Variants in IGSF22 observed in about 807,000 individuals in gnomAD.
The protein encoded by IGSF22 is immunoglobulin superfamily member 22, also known as immunoglobulin superfamily, member 22.
Under a neutral mutation model 127.0 loss-of-function variants are expected in IGSF22, and 119 were observed. The ratio of observed to expected loss-of-function variants is 0.94; its 90% CI spans 0.81 to 1.09. The LOEUF (loss-of-function observed/expected upper bound fraction) is 1.09, where lower values mean the gene tolerates loss of function less well. IGSF22 is among the 50% of genes least tolerant of loss of function. The pLI, the probability that IGSF22 is intolerant of heterozygous loss-of-function variation, is 0.00. For missense variants in IGSF22, 1,518 were observed against 1,716.6 expected (o/e 0.88, Z 2.04); for synonymous variants, 568 against 664.7 (o/e 0.85, Z 2.24).
chr11:18,713,688 G>T (rs1185182014), intron 14 of IGSF22, among the ~76,000 whole-genome samples, 164 bp downstream of exon 14: 2 of 152,246 alleles, frequency 1.3e-5, no homozygotes, highest in Non-Finnish European at 2.9e-5. Context: ...GAACTGGCTG[G>T]GAAGTTAGGA....
chr11:18,711,917 C>T (rs985065714), intron 15 of IGSF22, among the ~76,000 whole-genome samples, 165 bp downstream of exon 15: 1 of 152,142 alleles, frequency 6.6e-6, no homozygotes. Flanking sequence ...GTTGACAATT[C>T]CTGCCCAAAA....
rs748594972 is a variant in IGSF22 at position 18,709,685 on chromosome 11, TG to T, written c.2702-3del. On this transcript the variant is annotated splice_polypyrimidine_tract_variant and splice_region_variant and intron_variant, in intron 17 of 22. Transcript: ENST00000513874. This position sits in a 1 kb window ranked among gnomAD's most constrained non-coding sequence, Gnocchi z 4.8. ...GGTCCTGGACCAGGCCTGGGGGTTCTGGGGTAGAACAGACATGTAGTCAGCC... is the reference window on the plus strand; with the variant it reads ...GGTCCTGGACCAGGCCTGGGGGTTCTGGGTAGAACAGACATGTAGTCAGCC... The T allele has an allele frequency of 9.9e-6, 16 of 1,613,004 alleles. No individual in the cohort carries two copies. Among genetic ancestry groups the T allele is most frequent in the African/African-American group, 1.3e-5 (1 of 74,986 alleles).
At position 18,707,997 on chromosome 11, in the gene IGSF22, C is replaced by T; in HGVS notation, c.3088-1G>A. ...AGATCACGTCAGGTGGTGGTGAGCC[C>T]TGAGTAGTGACAGGAGATGGCACAA... On this transcript the variant is annotated splice_acceptor_variant, in intron 19 of 22. Transcript: ENST00000513874. LOFTEE classifies it high-confidence loss of function. 1.2e-6 allele frequency: 2 copies of T among 1,614,028 alleles called. No homozygotes were observed. The highest frequency in any genetic ancestry group is 1.7e-6 in the Non-Finnish European group (2 of 1,179,926).
chr11:18,715,686 T>C lies in IGSF22; in HGVS notation c.1277A>G (p.Lys426Arg), dbSNP rs1312873959. The C allele has an allele frequency of 4.3e-6, 7 of 1,612,532 alleles. No individual in the cohort carries two copies. The highest frequency in any genetic ancestry group is 5.1e-6 in the Non-Finnish European group (6 of 1,179,376). ...RIPIKFVSNL[K>R]NVRVKERSRA... ...ACTCCTCTCTTTCACACGTACATTT[T>C]TGAGGTTGCTCACAAACTTGATGGG... is the stretch of plus-strand genomic sequence containing the variant. Residue 426 changes from lysine (K) to arginine (R), a missense_variant, in exon 11 of 23, where the codon AAA becomes AGA. Transcript: ENST00000513874.
At chr11:18,704,628 G>A in intron 22 of IGSF22, 90 bp from the exon 23 acceptor site, 1 of 827,244 alleles carries the variant, frequency 1.2e-6, no homozygotes, top group African/African-American at 1.7e-5. Context: ...AGGAAACCAG[G>A]AGCTGGACCC....
In IGSF22 at chr11:18,709,687, G is replaced by C. The variant is rs1273442617; in HGVS notation, c.2702-4C>G. The C allele has an allele frequency of 6.2e-7, 1 of 1,612,128 alleles. No homozygotes were observed. The highest frequency in any genetic ancestry group is 2.2e-5 in the East Asian group (1 of 44,800). On this transcript the variant is annotated splice_polypyrimidine_tract_variant and splice_region_variant and intron_variant, in intron 17 of 22. Transcript: ENST00000513874. This position sits in a 1 kb window ranked among gnomAD's most constrained non-coding sequence, Gnocchi z 4.8. ...TCCTGGACCAGGCCTGGGGGTTCTG[G>C]GGTAGAACAGACATGTAGTCAGCCC...
chr11:18,705,750 A>C (rs1848212280), intron 22 of IGSF22, 67 bp downstream of exon 22: 1 of 1,381,232 alleles, frequency 7.2e-7, no homozygotes, highest in Admixed American at 2.3e-5. Flanking sequence ...TAGTTGACCA[A>C]TGGCCCACAA....
chr11:18,705,709 G>A, intron 22 of IGSF22, 108 bp downstream of exon 22: 1 of 907,980 alleles, frequency 1.1e-6, no homozygotes, highest in Non-Finnish European at 1.6e-6. Flanking sequence ...CCACCTGTTG[G>A]CAGTCAGATT....
rs1344918977 is a variant in IGSF22, at chr11:18,721,623, T to C, written c.290A>G (p.His97Arg). 1.2e-6 allele frequency: 2 copies of C among 1,614,250 alleles called. No individual in the cohort carries two copies. Among genetic ancestry groups the C allele is most frequent in the Non-Finnish European group, 1.7e-6 (2 of 1,180,036 alleles). Residue 97 changes from histidine (H) to arginine (R), a missense_variant, in exon 4 of 23, where the codon CAC (histidine) becomes CGC (arginine). Around this residue, in one of 3 missense-constraint regions of IGSF22, gnomAD observed 1,456 missense variants for 1,644.9 expected, o/e 0.89. Coordinates refer to ENST00000513874, the MANE Select transcript of IGSF22 (RefSeq NM_173588.4). ...RARVQGNAKPHISWKRESGIP... is the reference protein window; with the variant it reads ...RARVQGNAKPRISWKRESGIP... ...GCCGCTCTCCCTCTTCCAGGAGATG[T>C]GGGGTTTGGCGTTCCCCTGCACCCG...
chr11:18,713,027 C>T (rs560630866), intron 14 of IGSF22, among the ~76,000 whole-genome samples: 1 of 152,210 alleles, frequency 6.6e-6, no homozygotes, highest in Admixed American at 6.5e-5. Flanking sequence ...CCATCTTTCC[C>T]ACCTTATTTT....
chr11:18,712,412 G>A (rs77798248), intron 14 of IGSF22, 28 bp from the exon 15 acceptor site: 21,298 of 1,530,300 alleles, frequency 0.014, 191 homozygotes, highest in Non-Finnish European at 0.017. Flanking sequence ...CTTCAGAATG[G>A]GGCTTTGGAA....
rs1848303483 is a variant in IGSF22 at position 18,709,195 on chromosome 11, A to G, written c.2998+192T>C. 1.0e-5 allele frequency among the ~76,000 whole-genome samples: 1 copy of G among 100,242 alleles called. No homozygotes were observed. The highest frequency in any genetic ancestry group is 1.1e-4 in the Admixed American group (1 of 9,176). 65.8% of individuals were successfully genotyped at this position (100,242 alleles called of 152,430 possible). On this transcript the variant is annotated intron_variant, in intron 18 of 22. Transcript: ENST00000513874. This position sits in a 1 kb window ranked among gnomAD's most constrained non-coding sequence, Gnocchi z 4.8. ...TACACCTTGACACACAGTAGATGCT[A>G]TTTGGCACACAATGATTGATTTAGT...
At chr11:18,718,854 C>T (rs1006047018) in intron 7 of IGSF22, 126 bp from the exon 8 acceptor site, 30 of 658,466 alleles carry the variant, frequency 4.6e-5, no homozygotes, top group African/African-American at 3.2e-4. Context: ...TAGATAACAA[C>T]GTGCAGTGCT....
chr11:18,713,671 C>T (rs1408634545), intron 14 of IGSF22, among the ~76,000 whole-genome samples, 181 bp downstream of exon 14: 2 of 152,246 alleles, frequency 1.3e-5, no homozygotes, highest in East Asian at 3.8e-4. Context: ...GAGGTTCACT[C>T]GGCCAAGAAC....
chr11:18,721,396 G>A, intron 4 of IGSF22, 139 bp downstream of exon 4: 1 of 1,154,826 alleles, frequency 8.7e-7, no homozygotes, highest in Non-Finnish European at 1.3e-6. Context: ...GCGCCTCTCG[G>A]GCAATGACAG....
Position 18,720,234 on chromosome 11 carries a change from TGCTTGC to T in IGSF22, c.424_429del (p.Ala142_Ser143del), listed in dbSNP as rs761524164. Reference sequence around the variant, plus strand: ...GTATAGATGGCATCTGCATGGTCATTGCTTGCAATGCACTTATAGTTGTCAGAGTCA... The same window carrying T: ...GTATAGATGGCATCTGCATGGTCATTAATGCACTTATAGTTGTCAGAGTCA... On this transcript the variant is annotated inframe_deletion, in exon 5 of 23. Transcript: ENST00000513874. The T allele has an allele frequency of 6.8e-6, 11 of 1,614,074 alleles. No homozygotes were observed. Among genetic ancestry groups the T allele is most frequent in the Non-Finnish European group, 8.5e-6 (10 of 1,180,034 alleles).
chr11:18,724,028 G>T, intron 2 of IGSF22, 100 bp downstream of exon 2: 1 of 844,378 alleles, frequency 1.2e-6, no homozygotes. Context: ...GTGGGCTCCA[G>T]AGGGGCCCAT....
rs1285863892 is a variant in IGSF22 at position 18,711,944 on chromosome 11, C to T, written c.2398+138G>A. 1.6e-4 allele frequency: 114 copies of T among 733,880 alleles called. 1 individual carries two copies. In the South Asian group the frequency reaches 2.1e-3, roughly 14 times the overall value. 45.5% of individuals were successfully genotyped at this position (733,880 alleles called of 1,614,324 possible). On this transcript the variant is annotated intron_variant, in intron 15 of 22. Coordinates refer to ENST00000513874, the MANE Select transcript of IGSF22 (RefSeq NM_173588.4). ...TGCCCAAAATGATGTTCTGTTTTTA[C>T]TCTGGAATCGGTCTGTCTCATGAGA...
chr11:18,707,334 T>C, intron 20 of IGSF22, 121 bp from the exon 21 acceptor site: 1 of 903,964 alleles, frequency 1.1e-6, no homozygotes, highest in Non-Finnish European at 1.6e-6. Flanking sequence ...AGCTGGTGTC[T>C]TGGAGTCGGA....
Sources: gnomAD v4.1 joint callset for allele counts (sites outside exome capture counted in the v4.1 genomes callset) on GRCh38, gnomAD v4.1.1 for gene constraint, gnomAD v4.1.1 regional missense constraint, Gnocchi (gnomAD v3.1) non-coding constraint, MANE v1.5 for transcripts, NCBI Gene and HGNC (gene_info 2026-07-23, HGNC 2026-07-21) for gene names.